The following PALS2 variants were observed in gnomAD, a reference collection of about 807,000 sequenced individuals.
PALS2 encodes protein PALS2.
A neutral mutation model predicts 61.6 loss-of-function variants in PALS2; 27 were observed. That is an observed-to-expected ratio of 0.44 (90% CI 0.32 to 0.60). The LOEUF is 0.60. Ranked by LOEUF, PALS2 falls within the 20% of genes least tolerant of loss-of-function variation. The probability of loss-of-function intolerance (pLI) is 0.05; values close to 1 mark genes in which losing one functional copy is unlikely to be tolerated. For synonymous variants in PALS2, 236 were observed against 218.6 expected (o/e 1.08, Z -0.70); for missense variants, 554 against 639.4 (o/e 0.87, Z 1.44).
chr7:24,666,199 C>G, intron 8 of PALS2, 110 bp downstream of exon 8: 3 of 952,250 alleles, frequency 3.2e-6, no homozygotes, highest in Non-Finnish European at 3.2e-6. Flanking sequence ...AGATTAGTAC[C>G]TAGTTGCAAG....
In PALS2 at chr7:24,573,565, CGGCGCGGAGGCGGCTGAGGT is replaced by C. The variant is rs1782527602; in HGVS notation, c.-29_-10del. The C allele has an allele frequency of 5.2e-6, 2 of 384,890 alleles. No homozygotes were observed. Among genetic ancestry groups the C allele is most frequent in the African/African-American group, 2.1e-5 (1 of 47,652 alleles). The allele number at this position is 384,890 out of a possible 1,614,324, so 23.8% of individuals were successfully genotyped here. On this transcript the variant is annotated 5_prime_UTR_variant, in exon 1 of 12. Coordinates refer to ENST00000222644, the MANE Select transcript of PALS2 (RefSeq NM_001303037.2). This position sits in a 1 kb window ranked among gnomAD's most constrained non-coding sequence, Gnocchi z 5.3. ...GAGCGACCGGGAGCGGCGGCAGCGG[CGGCGCGGAGGCGGCTGAGGT>C]GCGAGCCGGTGAGTTAACTGGACCC...
At chr7:24,622,585 A>G (rs1288063751) in intron 1 of PALS2, among the ~76,000 whole-genome samples, 1 of 151,604 alleles carries the variant, frequency 6.6e-6, no homozygotes. Context: ...ATTTTTGTAT[A>G]TTAGGATTTT....
intron 5 of PALS2, among the ~76,000 whole-genome samples, chr7:24,660,486 A>G (rs953378049): frequency 2.0e-5 from 3 of 151,874 alleles, no homozygotes; most frequent in Non-Finnish European, 4.4e-5. Context: ...ATTTTTTTTC[A>G]CTTAACCATC....
At chr7:24,625,669 T>C (rs537314968) in intron 2 of PALS2, among the ~76,000 whole-genome samples, 4 of 152,334 alleles carry the variant, frequency 2.6e-5, no homozygotes, top group Non-Finnish European at 5.9e-5. Context: ...CCATTGATGT[T>C]GGTCTTTCAG....
intron 1 of PALS2, among the ~76,000 whole-genome samples, chr7:24,588,728 C>T (rs1236711198): frequency 1.3e-5 from 2 of 152,094 alleles, no homozygotes; most frequent in Non-Finnish European, 2.9e-5. Flanking sequence ...TGGTTTATAG[C>T]ACTAAATGGA....
intron 5 of PALS2, among the ~76,000 whole-genome samples, chr7:24,661,984 G>A (rs1350154816): frequency 2.0e-5 from 3 of 151,870 alleles, no homozygotes; most frequent in Non-Finnish European, 4.4e-5. Context: ...GTTTTTTCCC[G>A]TTGTCAAAAC....
chr7:24,621,556 A>C (rs1273780272), intron 1 of PALS2, among the ~76,000 whole-genome samples: 1 of 152,106 alleles, frequency 6.6e-6, no homozygotes. Flanking sequence ...AAAATGGGTC[A>C]GTCACAAAGT....
chr7:24,594,383 A>G (rs998613057), intron 1 of PALS2, among the ~76,000 whole-genome samples: 3 of 152,052 alleles, frequency 2.0e-5, no homozygotes, highest in Non-Finnish European at 2.9e-5. Flanking sequence ...TCCCTCAAGA[A>G]CTTTTCCTTT....
At chr7:24,604,908 C>A (rs999513967) in intron 1 of PALS2, among the ~76,000 whole-genome samples, 1 of 152,292 alleles carries the variant, frequency 6.6e-6, no homozygotes, top group East Asian at 1.9e-4. Context: ...AGCTGGGGCC[C>A]TGGGGAGGTA....
chr7:24,580,021 C>T (rs1782779769), intron 1 of PALS2, among the ~76,000 whole-genome samples: 2 of 152,000 alleles, frequency 1.3e-5, no homozygotes, highest in South Asian at 2.1e-4. Flanking sequence ...AAATGATTCT[C>T]TGAGCAGACT....
chr7:24,603,377 A>G (rs1410673830), intron 1 of PALS2, among the ~76,000 whole-genome samples: 2 of 152,216 alleles, frequency 1.3e-5, no homozygotes, highest in Non-Finnish European at 2.9e-5. Flanking sequence ...TTGGTTGGAA[A>G]CAAATAGAGA....
chr7:24,638,692 G>GA (rs1195821414), intron 2 of PALS2, among the ~76,000 whole-genome samples: 2 of 152,070 alleles, frequency 1.3e-5, no homozygotes, highest in Non-Finnish European at 2.9e-5. Context: ...AGGCTGATAT[G>GA]AAAAAATCTT....
intron 6 of PALS2, 112 bp from the exon 7 acceptor site, chr7:24,665,476 T>G (rs1786965940): frequency 1.2e-6 from 1 of 830,918 alleles, no homozygotes; most frequent in East Asian, 2.5e-5. Flanking sequence ...ATCTCAAGGT[T>G]GTTTTTAAGA....
chr7:24,679,472 G>C, intron 10 of PALS2, 139 bp downstream of exon 10: 1 of 764,314 alleles, frequency 1.3e-6, no homozygotes, highest in Non-Finnish European at 2.1e-6. Flanking sequence ...TTGGGTGATA[G>C]AGAATGTTAT....
chr7:24,575,788 G>A, intron 1 of PALS2, among the ~76,000 whole-genome samples: 1 of 152,100 alleles, frequency 6.6e-6, no homozygotes, highest in Admixed American at 6.5e-5. Flanking sequence ...AAAACAGCCA[G>A]AAAATAAAAT....
intron 5 of PALS2, among the ~76,000 whole-genome samples, chr7:24,661,738 A>G (rs538725102): frequency 6.6e-6 from 1 of 152,314 alleles, no homozygotes; most frequent in South Asian, 2.1e-4. Context: ...GCCTTACCAA[A>G]TGAGTGAAGT....
At chr7:24,649,833 C>A in intron 4 of PALS2, 69 bp downstream of exon 4, 1 of 1,350,952 alleles carries the variant, frequency 7.4e-7, no homozygotes, top group East Asian at 2.6e-5. Flanking sequence ...AGTCACTACT[C>A]TGTTTCATTT....
intron 10 of PALS2, 97 bp from the exon 11 acceptor site, chr7:24,680,295 T>C (rs1787849898): frequency 3.2e-6 from 4 of 1,250,286 alleles, no homozygotes; most frequent in African/African-American, 3.0e-5. Flanking sequence ...CTTTAATTCA[T>C]AGAACAAGTG....
intron 3 of PALS2, among the ~76,000 whole-genome samples, chr7:24,648,119 T>A (rs1785938507): frequency 6.6e-6 from 1 of 152,186 alleles, no homozygotes; most frequent in South Asian, 2.1e-4. Context: ...CAAATTGTTT[T>A]ATGAAATGAC....
Sources: allele counts gnomAD v4.1 joint callset (sites outside exome capture counted in the v4.1 genomes callset), GRCh38; gene constraint gnomAD v4.1.1; non-coding constraint Gnocchi (gnomAD v3.1); transcripts MANE v1.5; gene names NCBI Gene and HGNC (gene_info 2026-07-23, HGNC 2026-07-21).